The following CACNA2D4 variants were observed in gnomAD, a reference collection of about 807,000 sequenced individuals.
The protein encoded by CACNA2D4 is calcium voltage-gated channel auxiliary subunit alpha2delta 4.
In CACNA2D4, 157 loss-of-function variants were observed where a neutral mutation model predicts 163.8. That is an observed-to-expected ratio of 0.96 (90% CI 0.84 to 1.09). CACNA2D4 has a LOEUF of 1.09. CACNA2D4 is among the 50% of genes least tolerant of loss of function. The pLI, the probability that CACNA2D4 is intolerant of heterozygous loss-of-function variation, is 0.00. For missense variants in CACNA2D4, 1,410 were observed against 1,479.9 expected (o/e 0.95, Z 0.78); for synonymous variants, 598 against 586.9 (o/e 1.02, Z -0.27).
chr12:1,877,715 C>T (rs1315433457), intron 16 of CACNA2D4, among the ~76,000 whole-genome samples: 2 of 152,180 alleles, frequency 1.3e-5, no homozygotes, highest in Non-Finnish European at 2.9e-5. Context: ...CTTTAGCTCC[C>T]GCCGTCCCAA....
intron 25 of CACNA2D4, 39 bp from the exon 26 acceptor site, chr12:1,840,858 G>A (rs754400723): frequency 2.3e-5 from 36 of 1,570,718 alleles, no homozygotes; most frequent in Middle Eastern, 1.7e-4. Flanking sequence ...GGGAAGAGCT[G>A]TGGTTGGGGC....
chr12:1,859,169 C>T (rs1054557014), intron 19 of CACNA2D4, among the ~76,000 whole-genome samples: 15 of 152,046 alleles, frequency 9.9e-5, no homozygotes, highest in African/African-American at 2.4e-4. Flanking sequence ...GGCAACACAG[C>T]GAGACCCCAG....
At chr12:1,817,122 T>C (rs1230439519) in intron 26 of CACNA2D4, among the ~76,000 whole-genome samples, 2 of 152,284 alleles carry the variant, frequency 1.3e-5, no homozygotes, top group African/African-American at 4.8e-5. Flanking sequence ...AGAGGGATCA[T>C]CTTTTGTAAC....
rs1479100749 is a variant in CACNA2D4, at chr12:1,834,501, G to A, written c.2551+6238C>T. ...AGCACAGCCTGCCCACAGAAGCAGA[G>A]GCACCGGCCGGCGAGCGTGAGGCGA... is the stretch of plus-strand genomic sequence containing the variant. On this transcript the variant is annotated intron_variant, in intron 26 of 37. Transcript: ENST00000382722. The surrounding 1 kb of genome is among the most constrained non-coding windows in gnomAD (Gnocchi z 7.6). 6.2e-7 allele frequency: 1 copy of A among 1,607,626 alleles called. No individual in the cohort carries two copies. Among genetic ancestry groups the A allele is most frequent in the Non-Finnish European group, 8.5e-7 (1 of 1,179,862 alleles).
rs935978929 is a variant in CACNA2D4, at chr12:1,820,843, A to G, written c.2552-9120T>C. On this transcript the variant is annotated intron_variant, in intron 26 of 37. Coordinates refer to ENST00000382722, the MANE Select transcript of CACNA2D4 (RefSeq NM_172364.5). The surrounding 1 kb of genome is among the most constrained non-coding windows in gnomAD (Gnocchi z 6.0). ...AGTACCGAGTGGCTGGTAGGAAGGA[A>G]TGGAGGGTTGGTGGGGACAGGGGGT... 1 of 151,488 alleles carries G rather than the reference A, an allele frequency of 6.6e-6. No homozygotes were observed. Among genetic ancestry groups the G allele is most frequent in the Non-Finnish European group, 1.5e-5 (1 of 67,850 alleles). 9.4% of individuals were successfully genotyped at this position (151,488 alleles called of 1,614,324 possible).
chr12:1,838,174 A>T (rs1464763581), intron 26 of CACNA2D4, among the ~76,000 whole-genome samples: 2 of 152,176 alleles, frequency 1.3e-5, no homozygotes, highest in African/African-American at 4.8e-5. Flanking sequence ...GCTGTCTATA[A>T]ACCACCTGCT....
intron 1 of CACNA2D4, among the ~76,000 whole-genome samples, chr12:1,915,936 T>C (rs1203409063): frequency 6.6e-6 from 1 of 152,218 alleles, no homozygotes; most frequent in East Asian, 1.9e-4. Context: ...GGGACAGCTT[T>C]GTCATGCGGG....
In CACNA2D4 at chr12:1,908,013, T is replaced by A. The variant is rs772879483; in HGVS notation, c.511A>T (p.Ile171Phe). 2 of 1,613,844 alleles carry A rather than the reference T, an allele frequency of 1.2e-6. No individual in the cohort carries two copies. The highest frequency in any genetic ancestry group is 2.2e-5 in the South Asian group (2 of 91,058). The stretch of plus-strand genomic sequence containing the variant: ...TTGCCCTTCTCGTCCCTCTCGTTGA[T>A]CAGGACCGAGTTGTAATAGTCGAAC... The part of the protein sequence containing the change: ...LVFDYYNSVL[I>F]NERDEKGNFV... The change falls in exon 5 of 38, where the codon ATC (isoleucine) becomes TTC (phenylalanine). Residue 171 changes from isoleucine to phenylalanine, a missense_variant. Transcript: ENST00000382722.
intron 16 of CACNA2D4, among the ~76,000 whole-genome samples, chr12:1,877,301 A>C (rs990829713): frequency 1.3e-5 from 2 of 152,200 alleles, no homozygotes; most frequent in Non-Finnish European, 2.9e-5. Context: ...CAGCTCCAGA[A>C]TCAGCATATT....
intron 26 of CACNA2D4, among the ~76,000 whole-genome samples, chr12:1,837,404 C>T (rs922153325): frequency 3.9e-5 from 6 of 152,000 alleles, no homozygotes; most frequent in South Asian, 2.1e-4. Context: ...AGGTGGGCCC[C>T]GGAATTACGG....
At chr12:1,902,015 A>C (rs1329831532) in intron 6 of CACNA2D4, among the ~76,000 whole-genome samples, 3 of 152,150 alleles carry the variant, frequency 2.0e-5, no homozygotes, top group Non-Finnish European at 4.4e-5. Flanking sequence ...AAGATCATTC[A>C]TCATGACTAA....
At chr12:1,887,193 G>A (rs2154449865) in intron 6 of CACNA2D4, 124 bp from the exon 7 acceptor site, 1 of 682,496 alleles carries the variant, frequency 1.5e-6, no homozygotes, top group East Asian at 2.8e-5. Context: ...CTAGGGAACA[G>A]GGTGGGGAAC....
At position 1,834,129 on chromosome 12, in the gene CACNA2D4, A is replaced by G; in HGVS notation, c.2551+6610T>C. ...TTCCCTCCTCCGCTTCCTCTTCTATAGATGGTGATTCCAGGATTGACTACA... is the reference window on the plus strand; with the variant it reads ...TTCCCTCCTCCGCTTCCTCTTCTATGGATGGTGATTCCAGGATTGACTACA... On this transcript the variant is annotated intron_variant, in intron 26 of 37. Transcript: ENST00000382722. This position sits in a 1 kb window ranked among gnomAD's most constrained non-coding sequence, Gnocchi z 7.6. 2.0e-6 allele frequency: 2 copies of G among 988,294 alleles called. No individual in the cohort carries two copies. The highest frequency in any genetic ancestry group is 2.9e-6 in the Non-Finnish European group (2 of 700,162). The allele number at this position is 988,294 out of a possible 1,614,324, so 61.2% of individuals were successfully genotyped here.
chr12:1,910,797 C>T (rs1866793209), intron 3 of CACNA2D4, among the ~76,000 whole-genome samples: 1 of 152,114 alleles, frequency 6.6e-6, no homozygotes, highest in Non-Finnish European at 1.5e-5. Context: ...ATACCCACAA[C>T]ATGCAAATCC....
Position 1,878,722 on chromosome 12 carries a change from G to C in CACNA2D4, c.1644+234C>G, listed in dbSNP as rs989263988. 2.6e-5 allele frequency among the ~76,000 whole-genome samples: 4 copies of C among 152,148 alleles called. No homozygotes were observed. The South Asian group carries it at 6.2e-4, about 24-fold the overall frequency. Reference sequence around the variant, plus strand: ...AGCAGACTGAGAAACTGAGACACTGGGCAGGGAAAGGACTTACTGAAGGCC... The same window carrying C: ...AGCAGACTGAGAAACTGAGACACTGCGCAGGGAAAGGACTTACTGAAGGCC... On this transcript the variant is annotated intron_variant, in intron 15 of 37. Coordinates refer to ENST00000382722, the MANE Select transcript of CACNA2D4 (RefSeq NM_172364.5). This position sits in a 1 kb window ranked among gnomAD's most constrained non-coding sequence, Gnocchi z 4.6.
chr12:1,797,451 G>A lies in CACNA2D4; in HGVS notation c.3080C>T (p.Ala1027Val). The A allele has an allele frequency of 6.3e-7, 1 of 1,575,766 alleles. No homozygotes were observed. Among genetic ancestry groups the A allele is most frequent in the African/African-American group, 1.3e-5 (1 of 74,434 alleles). ...VFVYQPAIRE[A>V]NGIVECGPCQ... Reference sequence around the variant, plus strand: ...GGGCCCGCACTCCACGATCCCGTTGGCCTCCCGGATGGCCGGCTGGTACAC... The same window carrying A: ...GGGCCCGCACTCCACGATCCCGTTGACCTCCCGGATGGCCGGCTGGTACAC... Residue 1027 changes from alanine to valine, a missense_variant, in exon 35 of 38, where the codon GCC becomes GTC. By Grantham distance (64) the Ala-to-Val change is moderately conservative. Coordinates refer to ENST00000382722, the MANE Select transcript of CACNA2D4 (RefSeq NM_172364.5).
In CACNA2D4 at chr12:1,878,997, C is replaced by T. The variant is rs534564572; in HGVS notation, c.1603G>A (p.Val535Met). Residue 535 changes from valine (V) to methionine (M), a missense_variant, in exon 15 of 38, where the codon GTG (valine) becomes ATG (methionine). Physicochemically the swap from Val to Met is conservative, Grantham distance 21 (BLOSUM62 1). Coordinates refer to ENST00000382722, the MANE Select transcript of CACNA2D4 (RefSeq NM_172364.5). The surrounding 1 kb of genome is among the most constrained non-coding windows in gnomAD (Gnocchi z 4.6). ...AGCTTCATCAGCTCTCTCAGGGCCACATCTGAGCCCACCACACCCAGGAGA... is the reference window on the plus strand; with the variant it reads ...AGCTTCATCAGCTCTCTCAGGGCCATATCTGAGCCCACCACACCCAGGAGA... Reference protein sequence around the residue: ...GILLGVVGSDVALRELMKLAP... With the variant: ...GILLGVVGSDMALRELMKLAP... 1.9e-6 allele frequency: 3 copies of T among 1,613,914 alleles called. No individual in the cohort carries two copies. In the African/African-American group the frequency reaches 4.0e-5, roughly 22 times the overall value.
chr12:1,906,894 A>G (rs772578360), intron 6 of CACNA2D4, among the ~76,000 whole-genome samples: 1 of 152,252 alleles, frequency 6.6e-6, no homozygotes, highest in Non-Finnish European at 1.5e-5. Context: ...ACTGTGTGCT[A>G]AACTATAAAA....
At chr12:1,860,982 G>T (rs765007390) in intron 18 of CACNA2D4, among the ~76,000 whole-genome samples, 1 of 152,136 alleles carries the variant, frequency 6.6e-6, no homozygotes. Flanking sequence ...GATTGTCCAC[G>T]GCCTCTCTTG....
Sources: allele counts gnomAD v4.1 joint callset (sites outside exome capture counted in the v4.1 genomes callset), GRCh38; gene constraint gnomAD v4.1.1; non-coding constraint Gnocchi (gnomAD v3.1); transcripts MANE v1.5; gene names NCBI Gene and HGNC (gene_info 2026-07-23, HGNC 2026-07-21).